The following IGSF3 variants were observed in gnomAD, a reference collection of about 807,000 sequenced individuals.
IGSF3 encodes immunoglobulin superfamily member 3.
In IGSF3, 23 loss-of-function variants were observed where a neutral mutation model predicts 114.4. The ratio of observed to expected loss-of-function variants is 0.20; its 90% CI spans 0.14 to 0.28. The LOEUF (loss-of-function observed/expected upper bound fraction) is 0.28. Ranked by LOEUF, IGSF3 falls within the 10% of genes least tolerant of loss-of-function variation. The pLI, the probability that IGSF3 is intolerant of heterozygous loss-of-function variation, is 1.00. For missense variants in IGSF3, 1,172 were observed against 1,591.5 expected, an observed-to-expected ratio of 0.74 and a Z score of 4.48; for synonymous variants, 571 against 645.2, an observed-to-expected ratio of 0.88 and a Z score of 1.74.
rs1385918585 is a variant in IGSF3 at position 116,607,877 on chromosome 1, T to C, written c.1222+65A>G. Reference sequence around the variant, plus strand: ...CTCACCTTCACCACGCTATTCTCTCTCCCCCTACCTCTCCTAAATGATGCT... The same window carrying C: ...CTCACCTTCACCACGCTATTCTCTCCCCCCCTACCTCTCCTAAATGATGCT... On this transcript the variant is annotated intron_variant, in intron 5 of 10. Transcript: ENST00000369486. The surrounding 1 kb of genome is among the most constrained non-coding windows in gnomAD (Gnocchi z 6.1). The C allele has an allele frequency of 6.7e-6, 10 of 1,489,084 alleles. No individual in the cohort carries two copies. The highest frequency in any genetic ancestry group is 2.8e-5 in the African/African-American group (2 of 72,284). 92.2% of individuals were successfully genotyped at this position (1,489,084 alleles called of 1,614,324 possible).
intron 1 of IGSF3, 35 bp from the exon 2 acceptor site, chr1:116,666,991 CA>C (rs1649359041): frequency 5.0e-6 from 2 of 399,748 alleles, no homozygotes. Context: ...TTATCAAAGG[CA>C]AAGCTGCAAA....
At position 116,661,035 on chromosome 1, in the gene IGSF3, G is replaced by A. The variant is rs1182663274; in HGVS notation, c.43+5249C>T. 6.6e-6 allele frequency among the ~76,000 whole-genome samples: 1 copy of A among 152,036 alleles called. No individual in the cohort carries two copies. The highest frequency in any genetic ancestry group is 1.9e-4 in the East Asian group (1 of 5,144). On this transcript the variant is annotated intron_variant, in intron 2 of 10. Coordinates refer to ENST00000369486, the MANE Select transcript of IGSF3 (RefSeq NM_001007237.3). This position sits in a 1 kb window ranked among gnomAD's most constrained non-coding sequence, Gnocchi z 4.0. Reference sequence around the variant, plus strand: ...GGGCCAGGTGTGGTAGCTCACGCCTGTAATTTCAGCATTTTGGGAGGCCAA... The same window carrying A: ...GGGCCAGGTGTGGTAGCTCACGCCTATAATTTCAGCATTTTGGGAGGCCAA...
chr1:116,660,089 CATT>C (rs1400956049), intron 2 of IGSF3, among the ~76,000 whole-genome samples: 3 of 152,198 alleles, frequency 2.0e-5, no homozygotes, highest in Non-Finnish European at 2.9e-5. Flanking sequence ...ATCCCAAACT[CATT>C]ATAATTCAAA....
Position 116,644,114 on chromosome 1 carries a change from T to C in IGSF3, c.43+22170A>G, listed in dbSNP as rs924587001. On this transcript the variant is annotated intron_variant, in intron 2 of 10. Transcript: ENST00000369486. This position sits in a 1 kb window ranked among gnomAD's most constrained non-coding sequence, Gnocchi z 5.6. ...ACACCAAAGAACACCTAATTATCAG[T>C]GGTCCCCACTCAGGAAACGTGCCCA... Among the ~76,000 whole-genome samples, 7 of 152,284 alleles carry C rather than the reference T, an allele frequency of 4.6e-5. No individual in the cohort carries two copies. The highest frequency in any genetic ancestry group is 1.7e-4 in the African/African-American group (7 of 41,556).
At chr1:116,640,831 C>T (rs988014521) in intron 2 of IGSF3, among the ~76,000 whole-genome samples, 2 of 152,316 alleles carry the variant, frequency 1.3e-5, no homozygotes, top group East Asian at 3.9e-4. Context: ...ATTTACATTG[C>T]CAAGATCAAT....
chr1:116,600,042 T>C lies in IGSF3; in HGVS notation c.1928A>G (p.Tyr643Cys). 6.2e-7 allele frequency: 1 copy of C among 1,614,172 alleles called. No individual in the cohort carries two copies. Among genetic ancestry groups the C allele is most frequent in the Non-Finnish European group, 8.5e-7 (1 of 1,180,016 alleles). The stretch of plus-strand genomic sequence containing the variant: ...CCGCCACAGCTCTGCCACACACTGG[T>C]ACTTGCCTGCTTCCGTGTCACTGGC... ...SRASDTEAGKYQCVAELWRKN... is the reference protein window; with the variant it reads ...SRASDTEAGKCQCVAELWRKN... The change falls in exon 7 of 11, where the codon TAC becomes TGC. Residue 643 changes from tyrosine to cysteine, a missense_variant. Around this residue, in one of 3 missense-constraint regions of IGSF3, gnomAD observed 736 missense variants for 1,042.0 expected, o/e 0.71. Coordinates refer to ENST00000369486, the MANE Select transcript of IGSF3 (RefSeq NM_001007237.3). This position sits in a 1 kb window ranked among gnomAD's most constrained non-coding sequence, Gnocchi z 5.5.
intron 2 of IGSF3, among the ~76,000 whole-genome samples, chr1:116,635,828 T>C (rs1039203857): frequency 2.4e-4 from 36 of 152,292 alleles, no homozygotes; most frequent in African/African-American, 7.9e-4. Context: ...ACCCAGCCAA[T>C]GCCCACTCAT....
Position 116,636,019 on chromosome 1 carries a change from C to T in IGSF3, c.44-19562G>A, listed in dbSNP as rs2079775. Among the ~76,000 whole-genome samples, 73,213 of 151,974 alleles carry T rather than the reference C, an allele frequency of 0.48. 20,485 individuals carry two copies. Among genetic ancestry groups the T allele is most frequent in the African/African-American group, 0.78 (32,485 of 41,446 alleles). ...ATAAGTGTTTGTGGGATGAATCAAC[C>T]GGTTATTCTCCTGAACACCCTTTCC... On this transcript the variant is annotated intron_variant, in intron 2 of 10. Coordinates refer to ENST00000369486, the MANE Select transcript of IGSF3 (RefSeq NM_001007237.3). The surrounding 1 kb of genome is among the most constrained non-coding windows in gnomAD (Gnocchi z 4.5).
rs1661303882 is a variant in IGSF3, at chr1:116,618,616, A to G, written c.44-2159T>C. Among the ~76,000 whole-genome samples the G allele has an allele frequency of 1.3e-5, 2 of 152,202 alleles. No homozygotes were observed. Among genetic ancestry groups the G allele is most frequent in the African/African-American group, 4.8e-5 (2 of 41,430 alleles). On this transcript the variant is annotated intron_variant, in intron 2 of 10. Transcript: ENST00000369486. The surrounding 1 kb of genome is among the most constrained non-coding windows in gnomAD (Gnocchi z 4.7). ...TATATATCCCATCTAGGTTTGTTGA[A>G]GTACACCCTATGATGTCCACACAAG...
At chr1:116,604,473 G>A (rs950442427) in intron 5 of IGSF3, among the ~76,000 whole-genome samples, 7 of 152,150 alleles carry the variant, frequency 4.6e-5, no homozygotes, top group Admixed American at 2.6e-4. Flanking sequence ...AATAAAAGCT[G>A]AATATCCATA....
rs549172283 is a variant in IGSF3, at chr1:116,585,845, G to A, written c.2441-793C>T. The stretch of plus-strand genomic sequence containing the variant: ...GTGAAGGTTGCAGTGAGCTAAGATC[G>A]TGCCATTGCACACTCCAGCCTGTGC... On this transcript the variant is annotated intron_variant, in intron 8 of 10. Coordinates refer to ENST00000369486, the MANE Select transcript of IGSF3 (RefSeq NM_001007237.3). This position sits in a 1 kb window ranked among gnomAD's most constrained non-coding sequence, Gnocchi z 4.9. 6.6e-6 allele frequency among the ~76,000 whole-genome samples: 1 copy of A among 152,086 alleles called. No individual in the cohort carries two copies. Among genetic ancestry groups the A allele is most frequent in the African/African-American group, 2.4e-5 (1 of 41,396 alleles).
chr1:116,641,835 T>C (rs1468239709), intron 2 of IGSF3, among the ~76,000 whole-genome samples: 1 of 151,850 alleles, frequency 6.6e-6, no homozygotes, highest in East Asian at 1.9e-4. Flanking sequence ...CCTAATAAAG[T>C]GTTATCAGAT....
chr1:116,606,810 C>G (rs935756757), intron 5 of IGSF3, among the ~76,000 whole-genome samples: 1 of 152,184 alleles, frequency 6.6e-6, no homozygotes, highest in Non-Finnish European at 1.5e-5. Flanking sequence ...AGCACCTACT[C>G]TATGCAAAGC....
rs1359981591 is a variant in IGSF3 at position 116,649,680 on chromosome 1, T to C, written c.43+16604A>G. Among the ~76,000 whole-genome samples, 1 of 152,188 alleles carries C rather than the reference T, an allele frequency of 6.6e-6. No individual in the cohort carries two copies. The highest frequency in any genetic ancestry group is 1.5e-5 in the Non-Finnish European group (1 of 68,032). ...CTTGAACTTGTCACTGGCCTTTTAC[T>C]TTCTTCCCCTTCCAAAGAACCTGGT... is the stretch of plus-strand genomic sequence containing the variant. On this transcript the variant is annotated intron_variant, in intron 2 of 10. Coordinates refer to ENST00000369486, the MANE Select transcript of IGSF3 (RefSeq NM_001007237.3). The surrounding 1 kb of genome is among the most constrained non-coding windows in gnomAD (Gnocchi z 4.5).
chr1:116,599,338 A>G (rs187956592), intron 7 of IGSF3, among the ~76,000 whole-genome samples: 4 of 152,246 alleles, frequency 2.6e-5, no homozygotes, highest in African/African-American at 9.6e-5. Context: ...GCTTTCTTTA[A>G]AACAATTGGC....
At chr1:116,656,428 G>A (rs1402460760) in intron 2 of IGSF3, among the ~76,000 whole-genome samples, 4 of 150,328 alleles carry the variant, frequency 2.7e-5, no homozygotes, top group African/African-American at 7.4e-5. Flanking sequence ...CGCCTCCCGG[G>A]TAGCTGCAAC....
intron 2 of IGSF3, among the ~76,000 whole-genome samples, chr1:116,619,498 C>T (rs952944481): frequency 6.6e-6 from 1 of 152,194 alleles, no homozygotes; most frequent in Non-Finnish European, 1.5e-5. Context: ...TTATTAAATA[C>T]CTCCTTAATT....
Position 116,610,384 on chromosome 1 carries a change from G to A in IGSF3, c.833-2053C>T, listed in dbSNP as rs941467898. Among the ~76,000 whole-genome samples, 1 of 152,048 alleles carries A rather than the reference G, an allele frequency of 6.6e-6. No individual in the cohort carries two copies. Among genetic ancestry groups the A allele is most frequent in the African/African-American group, 2.4e-5 (1 of 41,366 alleles). ...TCTCAAGGGAATCCCCCCATGCCTT[G>A]GTGACACCTTCATGTTCCCAGGTTG... On this transcript the variant is annotated intron_variant, in intron 4 of 10. Transcript: ENST00000369486. This position sits in a 1 kb window ranked among gnomAD's most constrained non-coding sequence, Gnocchi z 4.3.
Position 116,579,804 on chromosome 1 carries a change from A to G in IGSF3, c.2922T>C (p.Cys974=), listed in dbSNP as rs776839625. 6 of 1,613,966 alleles carry G rather than the reference A, an allele frequency of 3.7e-6. No homozygotes were observed. Among genetic ancestry groups the G allele is most frequent in the Non-Finnish European group, 5.1e-6 (6 of 1,180,002 alleles). ...VSEKAAFQLD[C]SIVSRSSQDS... The stretch of plus-strand genomic sequence containing the variant: ...CCTGGCTGGAGCGGGACACGATGCT[A>G]CAGTCCAGCTGGAAAGCTGCCTTCT... Residue 974 remains cysteine (C), a synonymous_variant, in exon 10 of 11, where the codon TGT becomes TGC. Coordinates refer to ENST00000369486, the MANE Select transcript of IGSF3 (RefSeq NM_001007237.3). The surrounding 1 kb of genome is among the most constrained non-coding windows in gnomAD (Gnocchi z 6.4).
Sources: gnomAD v4.1 joint callset for allele counts (sites outside exome capture counted in the v4.1 genomes callset) on GRCh38, gnomAD v4.1.1 for gene constraint, gnomAD v4.1.1 regional missense constraint, Gnocchi (gnomAD v3.1) non-coding constraint, MANE v1.5 for transcripts, NCBI Gene and HGNC (gene_info 2026-07-23, HGNC 2026-07-21) for gene names.